The following TMC1 variants were observed in gnomAD, a reference collection of about 807,000 sequenced individuals.
The protein encoded by TMC1 is transmembrane channel-like protein 1.
A neutral mutation model predicts 105.8 loss-of-function variants in TMC1; 84 were observed. The observed-to-expected ratio is 0.79, with a 90% CI of 0.67 to 0.95. The LOEUF is 0.95. Ranked by LOEUF, TMC1 falls within the 40% of genes least tolerant of loss-of-function variation. The probability of loss-of-function intolerance (pLI) is 0.00; values close to 1 mark genes in which losing one functional copy is unlikely to be tolerated. For synonymous variants in TMC1, 315 were observed against 311.5 expected, an observed-to-expected ratio of 1.01 and a Z score of -0.12; for missense variants, 817 against 914.1, an observed-to-expected ratio of 0.89 and a Z score of 1.37.
intron 12 of TMC1, among the ~76,000 whole-genome samples, chr9:72,762,784 G>A (rs1302959771): frequency 2.0e-5 from 3 of 152,160 alleles, no homozygotes; most frequent in East Asian, 1.9e-4. Context: ...GGCATGTAAC[G>A]CTGGGACTGG....
intron 10 of TMC1, among the ~76,000 whole-genome samples, chr9:72,747,271 C>T (rs60246850): frequency 0.018 from 2,712 of 152,044 alleles, 67 homozygotes; most frequent in African/African-American, 0.049. Flanking sequence ...CTAAATAGTT[C>T]GAAAAAATTG....
At chr9:72,819,813 C>T (rs1291527289) in intron 19 of TMC1, among the ~76,000 whole-genome samples, 3 of 152,266 alleles carry the variant, frequency 2.0e-5, no homozygotes, top group South Asian at 4.1e-4. Flanking sequence ...ATAGATAGGA[C>T]AGTTTAAAAG....
chr9:72,797,969 T>A (rs974873738), intron 17 of TMC1, among the ~76,000 whole-genome samples: 2 of 152,126 alleles, frequency 1.3e-5, no homozygotes, highest in African/African-American at 4.8e-5. Context: ...AATCTATCCA[T>A]CTGACAAAGG....
rs1310500871 is a variant in TMC1, at chr9:72,688,710, A to G, written c.18A>G (p.Val6=). 1 of 1,611,280 alleles carries G rather than the reference A, an allele frequency of 6.2e-7. No individual in the cohort carries two copies. Among genetic ancestry groups the G allele is most frequent in the Non-Finnish European group, 8.5e-7 (1 of 1,178,148 alleles). ...TGTACTGTTTTCTTTCCTCAACAGT[A>G]CAAATCAAAGTGGAGGAAAAAGAAG... is the stretch of plus-strand genomic sequence containing the variant. The part of the protein sequence containing the change: MSPKK[V]QIKVEEKEDE... The change falls in exon 6 of 24, where the codon GTA becomes GTG. Residue 6 remains valine (V), a splice_region_variant and synonymous_variant. Coordinates refer to ENST00000297784, the MANE Select transcript of TMC1 (RefSeq NM_138691.3).
chr9:72,788,607 C>T (rs1828209612), intron 14 of TMC1, 124 bp downstream of exon 14: 2 of 1,072,156 alleles, frequency 1.9e-6, no homozygotes, highest in Non-Finnish European at 1.4e-6. Flanking sequence ...ATGGTTTCTG[C>T]CTACCAAGAT....
intron 3 of TMC1, among the ~76,000 whole-genome samples, chr9:72,622,387 AG>A (rs1825268620): frequency 6.6e-6 from 1 of 152,128 alleles, no homozygotes; most frequent in Non-Finnish European, 1.5e-5. Context: ...TGCCTGTGGT[AG>A]TTACTATCTC....
chr9:72,680,998 A>G (rs1248268097), intron 5 of TMC1, among the ~76,000 whole-genome samples: 1 of 152,162 alleles, frequency 6.6e-6, no homozygotes, highest in Non-Finnish European at 1.5e-5. Flanking sequence ...TATTGCAAAA[A>G]TGCTACGGAG....
intron 5 of TMC1, among the ~76,000 whole-genome samples, chr9:72,674,518 C>A (rs12338148): frequency 1.3e-5 from 2 of 152,122 alleles, no homozygotes; most frequent in African/African-American, 2.4e-5. Flanking sequence ...TCCCCGTGCC[C>A]TCAGGATGCC....
At chr9:72,546,225 G>A (rs1201158613) in intron 1 of TMC1, among the ~76,000 whole-genome samples, 1 of 152,016 alleles carries the variant, frequency 6.6e-6, no homozygotes, top group Non-Finnish European at 1.5e-5. Flanking sequence ...TGCAGAAGGC[G>A]GAGGTTGCAG....
At chr9:72,726,150 T>G (rs891012888) in intron 8 of TMC1, among the ~76,000 whole-genome samples, 4 of 152,194 alleles carry the variant, frequency 2.6e-5, no homozygotes, top group African/African-American at 9.6e-5. Context: ...ATTTCAAATA[T>G]AAGGGGTCCA....
At chr9:72,773,160 A>T (rs1827956531) in intron 13 of TMC1, among the ~76,000 whole-genome samples, 1 of 152,174 alleles carries the variant, frequency 6.6e-6, no homozygotes, top group South Asian at 2.1e-4. Context: ...CCTGCCTAAA[A>T]TTATTTATAA....
chr9:72,797,374 A>C (rs1588088147), intron 17 of TMC1, among the ~76,000 whole-genome samples: 1 of 152,326 alleles, frequency 6.6e-6, no homozygotes, highest in East Asian at 1.9e-4. Context: ...ACTATTTTAA[A>C]ATTCCTATGG....
Position 72,620,996 on chromosome 9 carries a change from C to T in TMC1, c.-196+4519C>T, listed in dbSNP as rs146169359. On this transcript the variant is annotated intron_variant, in intron 3 of 23. Transcript: ENST00000297784. ...CACTAACTGCATCATGACTGATTGA[C>T]GTCAGTCTACTTGGCAACCAAGTGA... Among the ~76,000 whole-genome samples the T allele has an allele frequency of 3.1e-3, 469 of 152,284 alleles. 3 individuals are homozygous for T. Among genetic ancestry groups the T allele is most frequent in the African/African-American group, 0.01 (436 of 41,568 alleles).
chr9:72,785,155 T>TA (rs1168025202), intron 13 of TMC1, among the ~76,000 whole-genome samples: 1 of 152,176 alleles, frequency 6.6e-6, no homozygotes, highest in Non-Finnish European at 1.5e-5. Context: ...TAATTTACAT[T>TA]AGTAGCACCC....
Position 72,789,183 on chromosome 9 carries a change from C to T in TMC1, c.1090C>T (p.Leu364=), listed in dbSNP as rs764926506. 1.9e-6 allele frequency: 3 copies of T among 1,613,588 alleles called. No homozygotes were observed. In the African/African-American group the frequency reaches 4.0e-5, roughly 22 times the overall value. The stretch of plus-strand genomic sequence containing the variant: ...AGAAAACGTCCACTTGATCAGATTC[C>T]TGAGGTTTCTGGCTAACTTCTTCGT... ...VEENVHLIRF[L]RFLANFFVFL... The change falls in exon 15 of 24, where the codon CTG becomes TTG. Residue 364 remains leucine (L), a synonymous_variant. Transcript: ENST00000297784.
At chr9:72,759,878 T>A (rs887739424) in intron 12 of TMC1, among the ~76,000 whole-genome samples, 2 of 152,210 alleles carry the variant, frequency 1.3e-5, no homozygotes, top group African/African-American at 4.8e-5. Context: ...GTAATTTTCC[T>A]GTTGTAATTT....
chr9:72,690,687 G>A (rs1409222256), intron 6 of TMC1, among the ~76,000 whole-genome samples: 1 of 152,092 alleles, frequency 6.6e-6, no homozygotes, highest in Non-Finnish European at 1.5e-5. Flanking sequence ...GCTAAGAAAT[G>A]ATAGTCTTAT....
rs1332287353 is a variant in TMC1 at position 72,521,916 on chromosome 9, A to G, written c.-428+3A>G. Reference sequence around the variant, plus strand: ...AGTGGCCCTCATAATGATGCCAGGTAAGGAAAGACAACATTATTACCTATG... The same window carrying G: ...AGTGGCCCTCATAATGATGCCAGGTGAGGAAAGACAACATTATTACCTATG... On this transcript the variant is annotated splice_donor_region_variant and intron_variant, in intron 1 of 23. Transcript: ENST00000297784. 6.6e-6 allele frequency: 1 copy of G among 152,232 alleles called. No homozygotes were observed. The highest frequency in any genetic ancestry group is 1.5e-5 in the Non-Finnish European group (1 of 68,048). The allele number at this position is 152,232 out of a possible 1,614,324, so 9.4% of individuals were successfully genotyped here. A position where few individuals can be genotyped will look rare whatever the true frequency, so the allele number is the denominator to read the frequency against.
At chr9:72,633,008 C>CAA (rs373596116) in intron 4 of TMC1, among the ~76,000 whole-genome samples, 32 of 135,162 alleles carry the variant, frequency 2.4e-4, no homozygotes, top group South Asian at 4.8e-4. Flanking sequence ...ACTATTCTGC[C>CAA]AAAAAAAAAA....
Sources: allele counts gnomAD v4.1 joint callset (sites outside exome capture counted in the v4.1 genomes callset), GRCh38; gene constraint gnomAD v4.1.1; transcripts MANE v1.5; gene names NCBI Gene and HGNC (gene_info 2026-07-23, HGNC 2026-07-21).